The following SAMD15 variants were observed in gnomAD, a reference collection of about 807,000 sequenced individuals.
The protein encoded by SAMD15 is sterile alpha motif domain containing 15.
Under a neutral mutation model 50.5 loss-of-function variants are expected in SAMD15, and 37 were observed. That is an observed-to-expected ratio of 0.73 (90% CI 0.56 to 0.96). The LOEUF (loss-of-function observed/expected upper bound fraction) is 0.96, where lower values mean the gene tolerates loss of function less well. Ranked by LOEUF, SAMD15 falls within the 40% of genes least tolerant of loss-of-function variation. The pLI is 0.00. For missense variants in SAMD15, 789 were observed against 783.8 expected (o/e 1.01, Z -0.08); for synonymous variants, 255 against 282.8 (o/e 0.90, Z 0.99).
rs558526457 is a variant in SAMD15 at position 77,377,464 on chromosome 14, G to A, written c.46G>A (p.Gly16Arg). 39 of 1,613,846 alleles carry A rather than the reference G, an allele frequency of 2.4e-5. 1 individual carries two copies. In the South Asian group the frequency reaches 4.3e-4, roughly 18 times the overall value. Residue 16 changes from glycine to arginine, a missense_variant, in exon 1 of 3, where the codon GGA becomes AGA. By Grantham distance (125) the Gly-to-Arg change is moderately radical. Transcript: ENST00000216471. ...EDYDSGPDED[G>R]ELEPERPELP... The stretch of plus-strand genomic sequence containing the variant: ...TTATGATTCCGGCCCAGATGAAGAT[G>A]GAGAGCTGGAGCCTGAGAGGCCTGA...
Position 77,378,747 on chromosome 14 carries a change from G to A in SAMD15, c.1329G>A (p.Glu443=). ...GAAACGATGAGCTAGAGCACCGTGA[G>A]CCTAAAAGAGGAAAGTTGTCACTAA... The part of the protein sequence containing the change: ...SVGNDELEHR[E]PKRGKLSLSD... Residue 443 remains glutamate, a synonymous_variant, in exon 1 of 3, where the codon GAG becomes GAA. Transcript: ENST00000216471. 1 of 1,612,318 alleles carries A rather than the reference G, an allele frequency of 6.2e-7. No homozygotes were observed. Among genetic ancestry groups the A allele is most frequent in the East Asian group, 2.2e-5 (1 of 44,878 alleles).
intron 2 of SAMD15, among the ~76,000 whole-genome samples, chr14:77,389,781 G>A (rs1169530099): frequency 6.6e-6 from 1 of 152,032 alleles, no homozygotes; most frequent in Non-Finnish European, 1.5e-5. Context: ...TTACAGGCGT[G>A]GCGTGAGCCA....
intron 1 of SAMD15, 164 bp downstream of exon 1, chr14:77,379,271 T>A: frequency 1.6e-6 from 1 of 634,464 alleles, no homozygotes; most frequent in Non-Finnish European, 2.7e-6. Context: ...GCCACTGATG[T>A]ATATTTGTAT....
In SAMD15 at chr14:77,378,354, T is replaced by G. The variant is rs771582137; in HGVS notation, c.936T>G (p.Phe312Leu). 20 of 1,612,770 alleles carry G rather than the reference T, an allele frequency of 1.2e-5. No individual in the cohort carries two copies. The highest frequency in any genetic ancestry group is 3.4e-5 in the Admixed American group (2 of 59,618). The change falls in exon 1 of 3, where the codon TTT becomes TTG. Residue 312 changes from phenylalanine (F) to leucine (L), a missense_variant. By Grantham distance (22) the Phe-to-Leu change is conservative (BLOSUM62 0). This residue lies in a region of SAMD15 where 770 missense variants were observed against 745.4 expected (regional missense o/e 1.03). Coordinates refer to ENST00000216471, the MANE Select transcript of SAMD15 (RefSeq NM_001010860.4). ...TACCTGAGCGGACTAAACCAGACTTTCCAGACCACAAGCCAAGAAAGTCTA... is the reference window on the plus strand; with the variant it reads ...TACCTGAGCGGACTAAACCAGACTTGCCAGACCACAAGCCAAGAAAGTCTA... Reference protein sequence around the residue: ...TELPERTKPDFPDHKPRKSTD... With the variant: ...TELPERTKPDLPDHKPRKSTD...
At chr14:77,388,769 C>A (rs1199953160) in intron 2 of SAMD15, among the ~76,000 whole-genome samples, 1 of 152,004 alleles carries the variant, frequency 6.6e-6, no homozygotes, top group African/African-American at 2.4e-5. Context: ...CCACCACGTC[C>A]AGCTAATTTT....
rs769002420 is a variant in SAMD15 at position 77,378,932 on chromosome 14, G to A, written c.1514G>A (p.Ser505Asn). ...CCCTCAGAGTCTCAGACAGAATTAA[G>A]TGAGTTCGTTCATGAAAAGGAAGTT... ...SDPSESQTELSEFVHEKEVVD... is the reference protein window; with the variant it reads ...SDPSESQTELNEFVHEKEVVD... The change falls in exon 1 of 3, where the codon AGT becomes AAT. Residue 505 changes from serine (S) to asparagine (N), a missense_variant. This residue lies in a region of SAMD15 where 770 missense variants were observed against 745.4 expected (regional missense o/e 1.03). Coordinates refer to ENST00000216471, the MANE Select transcript of SAMD15 (RefSeq NM_001010860.4). The A allele has an allele frequency of 8.7e-6, 14 of 1,612,172 alleles. No homozygotes were observed. Among genetic ancestry groups the A allele is most frequent in the African/African-American group, 1.3e-5 (1 of 74,914 alleles).
rs754051802 is a variant in SAMD15, at chr14:77,378,010, A to G, written c.592A>G (p.Arg198Gly). 1 of 1,613,970 alleles carries G rather than the reference A, an allele frequency of 6.2e-7. No individual in the cohort carries two copies. Among genetic ancestry groups the G allele is most frequent in the Non-Finnish European group, 8.5e-7 (1 of 1,180,000 alleles). Residue 198 changes from arginine to glycine, a missense_variant, in exon 1 of 3, where the codon AGA (arginine) becomes GGA (glycine). Transcript: ENST00000216471. ...ACCGGGGGTTCCAGAGGAATCACTT[A>G]GAGTGCAACATGAAGAGACAGGTCT... ...TEPGVPEESL[R>G]VQHEETGLEP...
chr14:77,379,150 G>T, intron 1 of SAMD15, 43 bp downstream of exon 1: 2 of 1,565,868 alleles, frequency 1.3e-6, no homozygotes, highest in Middle Eastern at 3.4e-4. Flanking sequence ...GCTGTCATCC[G>T]TCTACTTCTT....
At chr14:77,386,644 A>AAAT (rs370906787) in intron 2 of SAMD15, among the ~76,000 whole-genome samples, 6 of 152,012 alleles carry the variant, frequency 3.9e-5, no homozygotes, top group African/African-American at 7.3e-5. Context: ...CTCATCTCTG[A>AAAT]AATAATAATA....
At position 77,377,994 on chromosome 14, in the gene SAMD15, T is replaced by C; in HGVS notation, c.576T>C (p.Val192=). The C allele has an allele frequency of 6.2e-7, 1 of 1,613,850 alleles. No individual in the cohort carries two copies. Among genetic ancestry groups the C allele is most frequent in the Non-Finnish European group, 8.5e-7 (1 of 1,179,988 alleles). The change falls in exon 1 of 3, where the codon GTT becomes GTC. Residue 192 remains valine (V), a synonymous_variant. Transcript: ENST00000216471. ...TAGAGGAGGAGACTGAACCGGGGGTTCCAGAGGAATCACTTAGAGTGCAAC... is the reference window on the plus strand; with the variant it reads ...TAGAGGAGGAGACTGAACCGGGGGTCCCAGAGGAATCACTTAGAGTGCAAC... The part of the protein sequence containing the change: ...ELLEEETEPG[V]PEESLRVQHE...
In SAMD15 at chr14:77,377,896, G is replaced by T. The variant is rs1893868715; in HGVS notation, c.478G>T (p.Asp160Tyr). Residue 160 changes from aspartate to tyrosine, a missense_variant, in exon 1 of 3, where the codon GAT becomes TAT. Physicochemically the swap from Asp to Tyr is radical, Grantham distance 160. Coordinates refer to ENST00000216471, the MANE Select transcript of SAMD15 (RefSeq NM_001010860.4). ...FLESAMETDP[D>Y]PVPPTETMSE... ...AGAGTCAGCTATGGAAACAGATCCA[G>T]ATCCAGTGCCACCAACGGAAACCAT... 21 of 1,614,114 alleles carry T rather than the reference G, an allele frequency of 1.3e-5. No individual in the cohort carries two copies. Among genetic ancestry groups the T allele is most frequent in the Non-Finnish European group, 1.8e-5 (21 of 1,180,010 alleles).
At chr14:77,390,276 T>C (rs1267022029) in intron 2 of SAMD15, among the ~76,000 whole-genome samples, 2 of 152,094 alleles carry the variant, frequency 1.3e-5, no homozygotes. Context: ...GATTACAGGC[T>C]TGAGCCACCA....
chr14:77,382,116 G>C (rs1377614335), intron 2 of SAMD15, among the ~76,000 whole-genome samples: 3 of 144,088 alleles, frequency 2.1e-5, no homozygotes, highest in East Asian at 2.0e-4. Context: ...TTTTCTTCTT[G>C]TTGTTTTTTT....
intron 2 of SAMD15, among the ~76,000 whole-genome samples, chr14:77,389,731 C>T (rs1214320910): frequency 6.6e-6 from 1 of 151,970 alleles, no homozygotes; most frequent in African/African-American, 2.4e-5. Context: ...GATCTCCTGA[C>T]CTCGTGATCT....
chr14:77,386,090 A>G lies in SAMD15; in HGVS notation c.1789-4918A>G, dbSNP rs140046167. 1.5e-4 allele frequency among the ~76,000 whole-genome samples: 23 copies of G among 152,228 alleles called. No homozygotes were observed. In the East Asian group the frequency reaches 4.4e-3, roughly 29 times the overall value. On this transcript the variant is annotated intron_variant, in intron 2 of 2. Transcript: ENST00000216471. ...AGGCTGGTCTTAAACTCCTGAGCTC[A>G]AGCAATCCACCCACCTTGGCCTCTC...
chr14:77,378,025 G>A lies in SAMD15; in HGVS notation c.607G>A (p.Glu203Lys), dbSNP rs904367257. 4 of 1,613,834 alleles carry A rather than the reference G, an allele frequency of 2.5e-6. No homozygotes were observed. The African/African-American group carries it at 4.0e-5, about 16-fold the overall frequency. ...GGAATCACTTAGAGTGCAACATGAA[G>A]AGACAGGTCTAGAGCCTCCAGAGCA... ...PEESLRVQHE[E>K]TGLEPPEQTK... Residue 203 changes from glutamate to lysine, a missense_variant, in exon 1 of 3, where the codon GAG becomes AAG. Physicochemically the swap from Glu to Lys is moderately conservative, Grantham distance 56 (BLOSUM62 1). Transcript: ENST00000216471.
Position 77,378,652 on chromosome 14 carries a change from C to G in SAMD15, c.1234C>G (p.Pro412Ala). The G allele has an allele frequency of 1.9e-6, 3 of 1,614,018 alleles. No individual in the cohort carries two copies. Among genetic ancestry groups the G allele is most frequent in the Non-Finnish European group, 1.7e-6 (2 of 1,179,990 alleles). Reference sequence around the variant, plus strand: ...TCTAGAGTTACCAGATGAAACCAAACCAAGGGAGACACATGTAGAATTTTC... The same window carrying G: ...TCTAGAGTTACCAGATGAAACCAAAGCAAGGGAGACACATGTAGAATTTTC... Reference protein sequence around the residue: ...KILELPDETKPRETHVEFSKE... With the variant: ...KILELPDETKARETHVEFSKE... The change falls in exon 1 of 3, where the codon CCA becomes GCA. Residue 412 changes from proline to alanine, a missense_variant. Physicochemically the swap from Pro to Ala is conservative, Grantham distance 27 (BLOSUM62 -1). Transcript: ENST00000216471.
chr14:77,387,170 C>T (rs1894014670), intron 2 of SAMD15, among the ~76,000 whole-genome samples: 4 of 152,112 alleles, frequency 2.6e-5, no homozygotes, highest in South Asian at 2.1e-4. Context: ...CAGTAGCTCA[C>T]GCCTATAATC....
Position 77,377,658 on chromosome 14 carries a change from C to T in SAMD15, c.240C>T (p.Gly80=), listed in dbSNP as rs1566698980. 2 of 1,614,076 alleles carry T rather than the reference C, an allele frequency of 1.2e-6. No individual in the cohort carries two copies. Among genetic ancestry groups the T allele is most frequent in the Admixed American group, 1.7e-5 (1 of 60,012 alleles). Residue 80 remains glycine, a synonymous_variant, in exon 1 of 3, where the codon GGC becomes GGT. Coordinates refer to ENST00000216471, the MANE Select transcript of SAMD15 (RefSeq NM_001010860.4). ...CTAAGAACGTGCAGCTGAAACCTGGCGGGACGTCCCAGGAAGGAATTGCCA... is the reference window on the plus strand; with the variant it reads ...CTAAGAACGTGCAGCTGAAACCTGGTGGGACGTCCCAGGAAGGAATTGCCA... ...DSAKNVQLKP[G]GTSQEGIAKE... is the part of the protein sequence containing the mutation.
Sources: gnomAD v4.1 joint callset for allele counts (sites outside exome capture counted in the v4.1 genomes callset) on GRCh38, gnomAD v4.1.1 for gene constraint, gnomAD v4.1.1 regional missense constraint, MANE v1.5 for transcripts, NCBI Gene and HGNC (gene_info 2026-07-23, HGNC 2026-07-21) for gene names.